CDH4: variants seen among roughly 807,000 people sequenced by gnomAD.
The protein encoded by CDH4 is cadherin-4.
Under a neutral mutation model 86.0 loss-of-function variants are expected in CDH4, and 33 were observed. The observed-to-expected ratio is 0.38, with a 90% CI of 0.29 to 0.51. CDH4 has a LOEUF of 0.51. CDH4 is among the 20% of genes least tolerant of loss of function. The probability of loss-of-function intolerance (pLI) is 0.86; values close to 1 mark genes in which losing one functional copy is unlikely to be tolerated. For synonymous variants in CDH4, 555 were observed against 549.4 expected, an observed-to-expected ratio of 1.01 and a Z score of -0.14; for missense variants, 1,114 against 1,307.4, an observed-to-expected ratio of 0.85 and a Z score of 2.28.
chr20:61,368,732 G>T (rs1180508704), intron 2 of CDH4, among the ~76,000 whole-genome samples: 1 of 151,960 alleles, frequency 6.6e-6, no homozygotes, highest in African/African-American at 2.4e-5. Context: ...GCCCAGGCTG[G>T]TCTTGAACTC....
At chr20:61,413,854 A>G (rs1338420461) in intron 2 of CDH4, among the ~76,000 whole-genome samples, 4 of 152,098 alleles carry the variant, frequency 2.6e-5, no homozygotes, top group African/African-American at 7.2e-5. Context: ...CAGCCTCCCT[A>G]TCTCCATCGT....
chr20:61,776,158 A>G (rs1219922422), intron 4 of CDH4, among the ~76,000 whole-genome samples: 4 of 152,202 alleles, frequency 2.6e-5, no homozygotes, highest in African/African-American at 9.7e-5. Flanking sequence ...AGACATCATC[A>G]TGAGAGCCCA....
At chr20:61,503,361 A>C (rs2085718287) in intron 2 of CDH4, among the ~76,000 whole-genome samples, 1 of 152,244 alleles carries the variant, frequency 6.6e-6, no homozygotes, top group Non-Finnish European at 1.5e-5. Flanking sequence ...ATGCTTTCAA[A>C]AAAGGACAAG....
intron 2 of CDH4, among the ~76,000 whole-genome samples, chr20:61,327,400 A>G (rs944897328): frequency 6.6e-6 from 1 of 152,220 alleles, no homozygotes; most frequent in African/African-American, 2.4e-5. Context: ...TGTTGAAGAA[A>G]GAGAGGCTAA....
At chr20:61,818,227 ACG>A (rs1294532160) in intron 4 of CDH4, among the ~76,000 whole-genome samples, 1 of 151,966 alleles carries the variant, frequency 6.6e-6, no homozygotes. Context: ...ATCTCACATC[ACG>A]CAGACAGTGA....
chr20:61,858,720 T>G (rs139252174), intron 6 of CDH4, among the ~76,000 whole-genome samples: 221 of 152,338 alleles, frequency 1.5e-3, no homozygotes, highest in African/African-American at 5.1e-3. Context: ...GTTCTCTGGA[T>G]GTACAGCCAG....
chr20:61,548,627 A>G (rs1482755311), intron 2 of CDH4, among the ~76,000 whole-genome samples: 1 of 152,262 alleles, frequency 6.6e-6, no homozygotes, highest in Non-Finnish European at 1.5e-5. Context: ...TTAAATTATC[A>G]GGGTGTAGCA....
rs573873064 is a variant in CDH4 at position 61,669,978 on chromosome 20, C to T, written c.170-73585C>T. On this transcript the variant is annotated intron_variant, in intron 2 of 15. Coordinates refer to ENST00000614565, the MANE Select transcript of CDH4 (RefSeq NM_001794.5). ...GTGTGGACCCTCGAGCTGTGTGGAT[C>T]GGCCAGGCTGCAGCATTAATACCCT... Among the ~76,000 whole-genome samples the T allele has an allele frequency of 3.9e-5, 6 of 152,052 alleles. No individual in the cohort carries two copies. In the South Asian group the frequency reaches 1.0e-3, roughly 26 times the overall value.
At chr20:61,266,543 G>A (rs997153741) in intron 2 of CDH4, among the ~76,000 whole-genome samples, 3 of 151,882 alleles carry the variant, frequency 2.0e-5, no homozygotes, top group Non-Finnish European at 4.4e-5. Context: ...AGTTTGCTAG[G>A]TATGAAGTCC....
chr20:61,547,244 A>G (rs1205914821), intron 2 of CDH4, among the ~76,000 whole-genome samples: 4 of 113,532 alleles, frequency 3.5e-5, no homozygotes, highest in South Asian at 2.8e-4. Flanking sequence ...ACGGAGTCTC[A>G]CTCTGTCTCC....
intron 2 of CDH4, among the ~76,000 whole-genome samples, chr20:61,683,410 G>C (rs4925269): frequency 6.6e-6 from 1 of 152,016 alleles, no homozygotes; most frequent in Non-Finnish European, 1.5e-5. Context: ...TGAACGGCAC[G>C]GGTTGCTTTC....
At chr20:61,325,656 G>C (rs1319849034) in intron 2 of CDH4, among the ~76,000 whole-genome samples, 1 of 152,050 alleles carries the variant, frequency 6.6e-6, no homozygotes, top group African/African-American at 2.4e-5. Flanking sequence ...GCGACTTGGG[G>C]GGGCCACAGC....
chr20:61,714,038 TTTATTTTATTTTA>T (rs1568771974), intron 2 of CDH4, among the ~76,000 whole-genome samples: 1 of 139,602 alleles, frequency 7.2e-6, no homozygotes, highest in African/African-American at 2.8e-5. Context: ...TTTATTTTAT[TTTATTTTATTTTA>T]TTTTATTTTA....
intron 7 of CDH4, among the ~76,000 whole-genome samples, chr20:61,884,337 C>T (rs894326305): frequency 2.0e-5 from 3 of 152,244 alleles, no homozygotes; most frequent in East Asian, 1.9e-4. Flanking sequence ...CTTCCTTCCA[C>T]GCAGCAACCC....
At chr20:61,597,395 AC>A (rs1261963073) in intron 2 of CDH4, among the ~76,000 whole-genome samples, 1 of 152,148 alleles carries the variant, frequency 6.6e-6, no homozygotes. Context: ...GCCTGTCCCC[AC>A]ATCGTCCTCA....
chr20:61,624,876 C>T (rs1244333242), intron 2 of CDH4, among the ~76,000 whole-genome samples: 3 of 152,186 alleles, frequency 2.0e-5, no homozygotes, highest in African/African-American at 7.2e-5. Flanking sequence ...CTGCCAGGCG[C>T]CCCTTGATCC....
At chr20:61,334,650 G>T (rs1323298333) in intron 2 of CDH4, among the ~76,000 whole-genome samples, 2 of 152,212 alleles carry the variant, frequency 1.3e-5, no homozygotes, top group Non-Finnish European at 2.9e-5. Flanking sequence ...CCCTCCCAAA[G>T]GTCCCGCCTC....
chr20:61,287,474 CAAG>C (rs759840314), intron 2 of CDH4, among the ~76,000 whole-genome samples: 1 of 152,042 alleles, frequency 6.6e-6, no homozygotes, highest in African/African-American at 2.4e-5. Flanking sequence ...GACCCTGTCT[CAAG>C]AAGAAGAAAA....
At chr20:61,374,132 G>A (rs919174147) in intron 2 of CDH4, among the ~76,000 whole-genome samples, 1 of 152,170 alleles carries the variant, frequency 6.6e-6, no homozygotes, top group African/African-American at 2.4e-5. Flanking sequence ...ACTGAGCTTG[G>A]GGCTTGTAGG....
Sources: gnomAD v4.1 joint callset for allele counts (sites outside exome capture counted in the v4.1 genomes callset) on GRCh38, gnomAD v4.1.1 for gene constraint, MANE v1.5 for transcripts, NCBI Gene and HGNC (gene_info 2026-07-23, HGNC 2026-07-21) for gene names.